ABCA13: variants seen among roughly 807,000 people sequenced by gnomAD.
ABCA13 encodes the protein ATP binding cassette subfamily A member 13, also known as ATP-binding cassette sub-family A member 13.
A neutral mutation model predicts 478.7 loss-of-function variants in ABCA13; 476 were observed. The observed-to-expected ratio is 0.99, with a 90% CI of 0.92 to 1.07. ABCA13 has a LOEUF of 1.07. ABCA13 is among the 50% of genes least tolerant of loss of function. The pLI is 0.00. For missense variants in ABCA13, 6,060 were observed against 5,910.6 expected (o/e 1.03, Z -0.83); for synonymous variants, 2,252 against 2,158.9 (o/e 1.04, Z -1.20).
At position 48,366,828 on chromosome 7, in the gene ABCA13, A is replaced by G. The variant is rs541481959; in HGVS notation, c.10689-966A>G. ...TCTCAATACCATCACATGGGCAATT[A>G]AATGTCAACATGAGTTTTGGCAGAG... On this transcript the variant is annotated intron_variant, in intron 31 of 61. Coordinates refer to ENST00000435803, the MANE Select transcript of ABCA13 (RefSeq NM_152701.5). Among the ~76,000 whole-genome samples the G allele has an allele frequency of 1.2e-4, 19 of 152,302 alleles. No homozygotes were observed. In the East Asian group the frequency reaches 3.3e-3, roughly 26 times the overall value.
intron 50 of ABCA13, among the ~76,000 whole-genome samples, chr7:48,508,552 T>A (rs967300718): frequency 3.3e-5 from 5 of 152,200 alleles, no homozygotes; most frequent in African/African-American, 7.2e-5. Context: ...AGATGCTTTG[T>A]CTAGGTGTTC....
intron 48 of ABCA13, among the ~76,000 whole-genome samples, chr7:48,503,700 G>A (rs1830953693): frequency 6.6e-6 from 1 of 152,188 alleles, no homozygotes; most frequent in Admixed American, 6.5e-5. Flanking sequence ...TTTATCAACA[G>A]ACACAGGTTA....
chr7:48,616,457 C>A (rs1295188994), intron 59 of ABCA13, among the ~76,000 whole-genome samples: 2 of 152,100 alleles, frequency 1.3e-5, no homozygotes, highest in Non-Finnish European at 2.9e-5. Flanking sequence ...AGTTTTATAA[C>A]CCATTCTTGA....
At chr7:48,558,177 TCCTC>T (rs1486437611) in intron 55 of ABCA13, among the ~76,000 whole-genome samples, 1,380 of 97,976 alleles carry the variant, frequency 0.014, 30 homozygotes, top group African/African-American at 0.055. Context: ...CTCCCTCCCT[TCCTC>T]CCTTCCTTCC....
chr7:48,377,082 A>C lies in ABCA13; in HGVS notation c.11335+510A>C, dbSNP rs554640508. ...TGGGAGTGAGGGGCCATGTCCAACC[A>C]CAGGGCTTTCACTGTTGTCACGGAT... On this transcript the variant is annotated intron_variant, in intron 35 of 61. Coordinates refer to ENST00000435803, the MANE Select transcript of ABCA13 (RefSeq NM_152701.5). 9.2e-5 allele frequency among the ~76,000 whole-genome samples: 14 copies of C among 152,220 alleles called. 1 individual carries two copies. The East Asian group carries it at 2.5e-3, about 27-fold the overall frequency.
intron 29 of ABCA13, among the ~76,000 whole-genome samples, chr7:48,342,501 C>G (rs1386975204): frequency 6.6e-6 from 1 of 152,120 alleles, no homozygotes; most frequent in African/African-American, 2.4e-5. Flanking sequence ...AGCCTCTCCC[C>G]CTTCTTTTAC....
chr7:48,636,036 C>T (rs921913806), intron 59 of ABCA13, among the ~76,000 whole-genome samples: 2 of 152,150 alleles, frequency 1.3e-5, no homozygotes, highest in Non-Finnish European at 2.9e-5. Flanking sequence ...ATTGTACCTG[C>T]ACCTAAAGTG....
chr7:48,285,052 G>A (rs996179750), intron 19 of ABCA13, among the ~76,000 whole-genome samples: 1 of 152,186 alleles, frequency 6.6e-6, no homozygotes, highest in Non-Finnish European at 1.5e-5. Flanking sequence ...AGATGCCAAG[G>A]ACAATGCAGG....
At chr7:48,423,201 T>C (rs1821000342) in intron 41 of ABCA13, among the ~76,000 whole-genome samples, 3 of 152,332 alleles carry the variant, frequency 2.0e-5, no homozygotes, top group South Asian at 2.1e-4. Context: ...GTACCTCTAG[T>C]GTTTCGTATC....
At chr7:48,288,173 T>C (rs1480553283) in intron 20 of ABCA13, 95 bp downstream of exon 20, 1 of 1,101,028 alleles carries the variant, frequency 9.1e-7, no homozygotes, top group Non-Finnish European at 1.4e-6. Context: ...TTCGTTCTTA[T>C]AACTACAGCA....
intron 1 of ABCA13, among the ~76,000 whole-genome samples, chr7:48,191,796 C>G (rs1190774872): frequency 1.3e-5 from 2 of 152,180 alleles, no homozygotes; most frequent in Admixed American, 6.5e-5. Context: ...CTTTAGGCCA[C>G]TCATCTGGTC....
intron 33 of ABCA13, 78 bp downstream of exon 33, chr7:48,372,575 C>T: frequency 4.2e-6 from 5 of 1,189,474 alleles, no homozygotes; most frequent in East Asian, 2.5e-5. Flanking sequence ...AATCCCACCA[C>T]TCTCACTTTT....
chr7:48,466,013 A>G (rs1372697509), intron 43 of ABCA13, among the ~76,000 whole-genome samples: 2 of 152,046 alleles, frequency 1.3e-5, no homozygotes, highest in Non-Finnish European at 2.9e-5. Flanking sequence ...CATTTTTGAA[A>G]TTTTTGAGAC....
rs368016880 is a variant in ABCA13 at position 48,236,677 on chromosome 7, C to T, written c.897+2526C>T. Among the ~76,000 whole-genome samples the T allele has an allele frequency of 2.4e-4, 37 of 152,350 alleles. 2 individuals carry two copies. The highest frequency in any genetic ancestry group is 8.4e-4 in the African/African-American group (35 of 41,578). ...TAAAAACCCTTGTGGTTACACTGGGCTCACCAGGTTACCCAGGATAATCGC... is the reference window on the plus strand; with the variant it reads ...TAAAAACCCTTGTGGTTACACTGGGTTCACCAGGTTACCCAGGATAATCGC... On this transcript the variant is annotated intron_variant, in intron 8 of 61. Coordinates refer to ENST00000435803, the MANE Select transcript of ABCA13 (RefSeq NM_152701.5).
At position 48,446,582 on chromosome 7, in the gene ABCA13, A is replaced by T. The variant is rs573896541; in HGVS notation, c.12566-8455A>T. Among the ~76,000 whole-genome samples, 143 of 152,228 alleles carry T rather than the reference A, an allele frequency of 9.4e-4. 1 individual carries two copies. Among genetic ancestry groups the T allele is most frequent in the Non-Finnish European group, 1.6e-3 (109 of 68,006 alleles). On this transcript the variant is annotated intron_variant, in intron 42 of 61. Transcript: ENST00000435803. Reference sequence around the variant, plus strand: ...TGGAAAGCAATTTTGGCAGTGATTAATTTGAAGGGTCTGCAACCTCTCCTT... The same window carrying T: ...TGGAAAGCAATTTTGGCAGTGATTATTTTGAAGGGTCTGCAACCTCTCCTT...
intron 15 of ABCA13, among the ~76,000 whole-genome samples, chr7:48,250,272 CT>C: frequency 6.6e-6 from 1 of 152,166 alleles, no homozygotes; most frequent in Non-Finnish European, 1.5e-5. Flanking sequence ...GAACACTGTC[CT>C]TTTGGGTTTT....
intron 59 of ABCA13, among the ~76,000 whole-genome samples, chr7:48,631,610 T>C (rs1302399788): frequency 6.6e-6 from 1 of 152,134 alleles, no homozygotes; most frequent in Non-Finnish European, 1.5e-5. Context: ...TTGTTCTTTT[T>C]TATTAAGATT....
At chr7:48,466,493 T>C (rs1486097453) in intron 43 of ABCA13, among the ~76,000 whole-genome samples, 6 of 152,250 alleles carry the variant, frequency 3.9e-5, no homozygotes, top group African/African-American at 1.4e-4. Flanking sequence ...TGATATTTCT[T>C]ACATTAGAAA....
At position 48,489,153 on chromosome 7, in the gene ABCA13, C is replaced by T. The variant is rs958123475; in HGVS notation, c.13183-83C>T. 7.5e-5 allele frequency: 86 copies of T among 1,144,960 alleles called. No individual in the cohort carries two copies. The African/African-American group carries it at 9.8e-4, about 13-fold the overall frequency. The allele number at this position is 1,144,960 out of a possible 1,614,324, so 70.9% of individuals were successfully genotyped here. Reference sequence around the variant, plus strand: ...TGCCTTGGAAGTTAATTGACACATACGTTCCTTAAATCCCAGAATAGTTGA... The same window carrying T: ...TGCCTTGGAAGTTAATTGACACATATGTTCCTTAAATCCCAGAATAGTTGA... On this transcript the variant is annotated intron_variant, in intron 47 of 61. Transcript: ENST00000435803.
Sources: gnomAD v4.1 joint callset for allele counts (sites outside exome capture counted in the v4.1 genomes callset) on GRCh38, gnomAD v4.1.1 for gene constraint, MANE v1.5 for transcripts, NCBI Gene and HGNC (gene_info 2026-07-23, HGNC 2026-07-21) for gene names.